The following CSMD1 variants were observed in gnomAD, a reference collection of about 807,000 sequenced individuals.
The protein encoded by CSMD1 is CUB and sushi domain-containing protein 1.
A neutral mutation model predicts 417.5 loss-of-function variants in CSMD1; 213 were observed. The observed-to-expected ratio is 0.51, with a 90% CI of 0.46 to 0.57. CSMD1 has a LOEUF of 0.57. Among genes scored for constraint, CSMD1 ranks in the 20% least tolerant of loss-of-function variants. The probability of loss-of-function intolerance (pLI) is 0.00; values close to 1 mark genes in which losing one functional copy is unlikely to be tolerated. For missense variants in CSMD1, 6,923 were observed against 4,529.7 expected (o/e 1.53, Z -15.17); for synonymous variants, 2,862 against 1,736.8 (o/e 1.65, Z -16.11).
At chr8:3,238,885 C>T (rs548972338) in intron 26 of CSMD1, among the ~76,000 whole-genome samples, 59 of 152,080 alleles carry the variant, frequency 3.9e-4, no homozygotes, top group Non-Finnish European at 7.2e-4. Flanking sequence ...TAGTGTAAAC[C>T]AGCAGTGTAA....
chr8:3,424,252 A>G (rs756073314), intron 12 of CSMD1, among the ~76,000 whole-genome samples: 1 of 152,220 alleles, frequency 6.6e-6, no homozygotes, highest in Non-Finnish European at 1.5e-5. Flanking sequence ...TGATTCAATT[A>G]GAGTTTATCA....
chr8:3,643,743 T>C (rs1325338338), intron 7 of CSMD1, among the ~76,000 whole-genome samples: 1 of 148,348 alleles, frequency 6.7e-6, no homozygotes, highest in African/African-American at 2.5e-5. Flanking sequence ...CCTCTGCCTT[T>C]TCCAGCTACT....
At position 4,446,733 on chromosome 8, in the gene CSMD1, CTGTGTGTGTGTG is replaced by C. The variant is rs758084825; in HGVS notation, c.303-26680_303-26669del. 1.9e-4 allele frequency among the ~76,000 whole-genome samples: 26 copies of C among 134,118 alleles called. No individual in the cohort carries two copies. In the South Asian group the frequency reaches 3.3e-3, roughly 17 times the overall value. 88.0% of individuals were successfully genotyped at this position (134,118 alleles called of 152,430 possible). On this transcript the variant is annotated intron_variant, in intron 2 of 69. Coordinates refer to ENST00000635120, the MANE Select transcript of CSMD1 (RefSeq NM_033225.6). ...ATGCCTGAGTTGTGTGTGTGTGTGT[CTGTGTGTGTGTG>C]TGTGTGTGTCTGTGTGTGTGTGTGT...
At chr8:3,429,595 T>C (rs1814084010) in intron 12 of CSMD1, among the ~76,000 whole-genome samples, 1 of 152,224 alleles carries the variant, frequency 6.6e-6, no homozygotes. Flanking sequence ...GTCAACAATG[T>C]TCAATATCTT....
intron 1 of CSMD1, among the ~76,000 whole-genome samples, chr8:4,745,839 G>A (rs752714807): frequency 6.6e-6 from 1 of 152,116 alleles, no homozygotes; most frequent in Non-Finnish European, 1.5e-5. Context: ...AAGATGCAAA[G>A]AAAATCTCAC....
chr8:4,454,043 C>A (rs1585103192), intron 2 of CSMD1, among the ~76,000 whole-genome samples: 6 of 151,930 alleles, frequency 3.9e-5, no homozygotes, highest in Admixed American at 3.9e-4. Context: ...GGGATGGTCT[C>A]GATCTCCTGA....
At chr8:4,050,797 G>A (rs1048950171) in intron 3 of CSMD1, among the ~76,000 whole-genome samples, 1 of 152,140 alleles carries the variant, frequency 6.6e-6, no homozygotes, top group African/African-American at 2.4e-5. Flanking sequence ...CCCTGAAACG[G>A]TGAATTTACC....
intron 3 of CSMD1, among the ~76,000 whole-genome samples, chr8:4,079,946 G>T (rs993529724): frequency 1.4e-5 from 2 of 147,732 alleles, no homozygotes; most frequent in Non-Finnish European, 3.0e-5. Context: ...TCATGGAGTT[G>T]TAAAAATAAT....
At chr8:4,095,732 T>A (rs1800974070) in intron 3 of CSMD1, among the ~76,000 whole-genome samples, 1 of 152,214 alleles carries the variant, frequency 6.6e-6, no homozygotes, top group African/African-American at 2.4e-5. Flanking sequence ...TTTGTTCAAG[T>A]CACGTAGTTT....
intron 7 of CSMD1, among the ~76,000 whole-genome samples, chr8:3,645,805 T>C (rs1316721614): frequency 6.6e-6 from 1 of 152,206 alleles, no homozygotes; most frequent in African/African-American, 2.4e-5. Context: ...AACAAAGCTG[T>C]CTATTCAAAT....
chr8:4,554,206 G>C (rs998319566), intron 2 of CSMD1, among the ~76,000 whole-genome samples: 1 of 151,962 alleles, frequency 6.6e-6, no homozygotes. Flanking sequence ...GAGAAATCTC[G>C]GCTCACTGCA....
At chr8:2,988,276 T>G (rs752686218) in intron 54 of CSMD1, among the ~76,000 whole-genome samples, 7 of 152,164 alleles carry the variant, frequency 4.6e-5, no homozygotes, top group Non-Finnish European at 8.8e-5. Flanking sequence ...TTAATTTTCT[T>G]TATGCTTATG....
At chr8:4,193,247 C>T (rs1341441066) in intron 3 of CSMD1, among the ~76,000 whole-genome samples, 2 of 152,142 alleles carry the variant, frequency 1.3e-5, no homozygotes, top group Non-Finnish European at 2.9e-5. Context: ...ACCTTAACGA[C>T]AGGGTATTGT....
intron 3 of CSMD1, among the ~76,000 whole-genome samples, chr8:4,257,957 T>G (rs1444140037): frequency 2.6e-5 from 4 of 152,144 alleles, no homozygotes; most frequent in Non-Finnish European, 4.4e-5. Context: ...ATTAGAATCT[T>G]TGTCTGCTCA....
intron 5 of CSMD1, among the ~76,000 whole-genome samples, chr8:3,892,362 T>C (rs1259326685): frequency 6.6e-6 from 1 of 151,932 alleles, no homozygotes; most frequent in African/African-American, 2.4e-5. Flanking sequence ...GTGGGGAACG[T>C]ATTATGCTTT....
chr8:3,003,365 G>C (rs542662153), intron 52 of CSMD1, among the ~76,000 whole-genome samples: 1 of 151,996 alleles, frequency 6.6e-6, no homozygotes, highest in South Asian at 2.1e-4. Flanking sequence ...TCTTGGTTTT[G>C]AGTCATCTAC....
At chr8:4,625,339 C>A (rs557262676) in intron 2 of CSMD1, among the ~76,000 whole-genome samples, 2 of 152,036 alleles carry the variant, frequency 1.3e-5, no homozygotes, top group Non-Finnish European at 2.9e-5. Context: ...AATAGAGGGT[C>A]AAGTTTCAGT....
intron 2 of CSMD1, among the ~76,000 whole-genome samples, chr8:4,578,401 G>T (rs111779526): frequency 1.5e-5 from 2 of 133,444 alleles, no homozygotes; most frequent in Non-Finnish European, 3.1e-5. Context: ...GGATGTTCTC[G>T]ATCTCCTGAT....
At chr8:4,609,461 G>A (rs1462859188) in intron 2 of CSMD1, among the ~76,000 whole-genome samples, 1 of 152,082 alleles carries the variant, frequency 6.6e-6, no homozygotes, top group African/African-American at 2.4e-5. Context: ...GGGGTATTTT[G>A]TTATGTTAAT....
Sources: gnomAD v4.1 joint callset for allele counts (sites outside exome capture counted in the v4.1 genomes callset) on GRCh38, gnomAD v4.1.1 for gene constraint, MANE v1.5 for transcripts, NCBI Gene and HGNC (gene_info 2026-07-23, HGNC 2026-07-21) for gene names.